Variants in PLCH1 observed in about 807,000 individuals in gnomAD.
PLCH1 encodes 1-phosphatidylinositol 4,5-bisphosphate phosphodiesterase eta-1.
A neutral mutation model predicts 126.7 loss-of-function variants in PLCH1; 60 were observed. The observed-to-expected ratio is 0.47, with a 90% confidence interval of 0.38 to 0.59. The LOEUF (loss-of-function observed/expected upper bound fraction) is 0.59, where lower values mean the gene tolerates loss of function less well. Among genes scored for constraint, PLCH1 ranks in the 20% least tolerant of loss-of-function variants. The pLI, the probability that PLCH1 is intolerant of heterozygous loss-of-function variation, is 0.00. For synonymous variants in PLCH1, 719 were observed against 734.9 expected (o/e 0.98, Z 0.35); for missense variants, 1,723 against 2,040.0 (o/e 0.84, Z 2.99).
At chr3:155,572,894 TTTTTTA>T (rs1189656811) in intron 6 of PLCH1, among the ~76,000 whole-genome samples, 2 of 151,940 alleles carry the variant, frequency 1.3e-5, no homozygotes, top group South Asian at 2.1e-4. Context: ...CCTGGCTGAT[TTTTTTA>T]TTTTTATTTT....
At chr3:155,569,267 T>C (rs909457083) in intron 6 of PLCH1, among the ~76,000 whole-genome samples, 4 of 152,208 alleles carry the variant, frequency 2.6e-5, no homozygotes, top group African/African-American at 9.6e-5. Context: ...TGAATAATTA[T>C]AGAGGAAGCT....
In PLCH1 at chr3:155,458,457, A is replaced by G. The variant is rs12490537; in HGVS notation, c.2938+26899T>C. On this transcript the variant is annotated intron_variant, in intron 21 of 21. Coordinates refer to the PLCH1 transcript ENST00000494598. ...AGGAAGGAAGGAAGGAAGGAAGGAAAGAAAGAAAGAAAGAAAGAAAGAAAG... is the reference window on the plus strand; with the variant it reads ...AGGAAGGAAGGAAGGAAGGAAGGAAGGAAAGAAAGAAAGAAAGAAAGAAAG... 6.4e-3 allele frequency among the ~76,000 whole-genome samples: 466 copies of G among 73,226 alleles called. 1 individual carries two copies. The highest frequency in any genetic ancestry group is 9.3e-3 in the Middle Eastern group (2 of 216). 48.0% of individuals were successfully genotyped at this position (73,226 alleles called of 152,430 possible). A position where few individuals can be genotyped will look rare whatever the true frequency, so the allele number is the denominator to read the frequency against.
At chr3:155,522,246 T>C (rs1721194632) in intron 11 of PLCH1, among the ~76,000 whole-genome samples, 1 of 152,012 alleles carries the variant, frequency 6.6e-6, no homozygotes, top group South Asian at 2.1e-4. Flanking sequence ...AAAAGCTAAA[T>C]TATCCATAAT....
intron 1 of PLCH1, among the ~76,000 whole-genome samples, chr3:155,741,690 T>TTTTTTTTTATTTTTATTTTTA (rs1235581609): frequency 5.5e-4 from 80 of 144,588 alleles, no homozygotes; most frequent in Middle Eastern, 3.4e-3. Flanking sequence ...TCCTCTTTTT[T>TTTTTTTTTATTTTTATTTTTA]TTTTTTTTTT....
At chr3:155,657,481 C>G (rs1559904632) in intron 2 of PLCH1, among the ~76,000 whole-genome samples, 1 of 152,114 alleles carries the variant, frequency 6.6e-6, no homozygotes, top group Non-Finnish European at 1.5e-5. Flanking sequence ...CTCTAGCATT[C>G]GGCTGAGTAC....
rs530993490 is a variant in PLCH1 at position 155,653,978 on chromosome 3, T to TC, written c.79+50167dup. Among the ~76,000 whole-genome samples, 479 of 151,150 alleles carry TC rather than the reference T, an allele frequency of 3.2e-3. 4 individuals carry two copies. The highest frequency in any genetic ancestry group is 0.011 in the African/African-American group (454 of 41,076). On this transcript the variant is annotated intron_variant, in intron 2 of 22. Transcript: ENST00000460012. ...AAAAAAATTGTCTGTCTCCATTTCT[T>TC]CCCCTTCCTCTCTCTTTTGAATCAA... is the stretch of plus-strand genomic sequence containing the variant.
rs1716718607 is a variant in PLCH1, at chr3:155,494,511, G to A, written c.1901C>T (p.Thr634Ile). 6.3e-7 allele frequency: 1 copy of A among 1,590,338 alleles called. No homozygotes were observed. Among genetic ancestry groups the A allele is most frequent in the South Asian group, 1.1e-5 (1 of 89,790 alleles). Reference sequence around the variant, plus strand: ...TTCACTGAATGATAACACATTTCCTGTGGTTCCTGGCAGTTTTTAATCGAG... The same window carrying A: ...TTCACTGAATGATAACACATTTCCTATGGTTCCTGGCAGTTTTTAATCGAG... Reference protein sequence around the residue: ...AAQDIVDDGTTGNVLSFSETR... With the variant: ...AAQDIVDDGTIGNVLSFSETR... The change falls in exon 16 of 23, where the codon ACA becomes ATA. Residue 634 changes from threonine to isoleucine, a missense_variant. By Grantham distance (89) the Thr-to-Ile change is moderately conservative. Coordinates refer to ENST00000460012, the MANE Select transcript of PLCH1 (RefSeq NM_014996.4).
intron 6 of PLCH1, among the ~76,000 whole-genome samples, chr3:155,580,786 C>CA (rs1384407994): frequency 1.3e-5 from 2 of 152,010 alleles, no homozygotes; most frequent in African/African-American, 4.8e-5. Context: ...TATTCTACCT[C>CA]AAAAAGGAAA....
At chr3:155,713,153 C>T (rs1185092011) in intron 1 of PLCH1, among the ~76,000 whole-genome samples, 1 of 152,134 alleles carries the variant, frequency 6.6e-6, no homozygotes, top group Non-Finnish European at 1.5e-5. Context: ...TCCTCCCTGA[C>T]ATTCCGCTTC....
Position 155,497,431 on chromosome 3 carries a change from A to G in PLCH1, c.1797-14T>C, listed in dbSNP as rs371581792. ...CGGCGACCCAATCTGTGAAGTACCC[A>G]CAGAGGATGCATGACATTTTGGAGT... On this transcript the variant is annotated splice_polypyrimidine_tract_variant and intron_variant, in intron 14 of 22. Coordinates refer to ENST00000460012, the MANE Select transcript of PLCH1 (RefSeq NM_014996.4). 14 of 1,567,350 alleles carry G rather than the reference A, an allele frequency of 8.9e-6. No individual in the cohort carries two copies. The African/African-American group carries it at 1.9e-4, about 21-fold the overall frequency.
intron 1 of PLCH1, among the ~76,000 whole-genome samples, chr3:155,715,628 T>C (rs891568722): frequency 6.8e-6 from 1 of 147,182 alleles, no homozygotes; most frequent in Non-Finnish European, 1.5e-5. Flanking sequence ...TTTTTTTTTT[T>C]AAGAGACAGA....
intron 2 of PLCH1, among the ~76,000 whole-genome samples, chr3:155,603,153 A>AC (rs34174859): frequency 0.41 from 61,548 of 151,598 alleles, 15,483 homozygotes; most frequent in Non-Finnish European, 0.56. Flanking sequence ...AACAACAACA[A>AC]AAAAAAAAGT....
chr3:155,470,058 G>A (rs1252844255), intron 21 of PLCH1, among the ~76,000 whole-genome samples: 6 of 152,114 alleles, frequency 3.9e-5, no homozygotes, highest in East Asian at 1.9e-4. Context: ...CACCAGCAAC[G>A]GAACAAAGCT....
intron 2 of PLCH1, among the ~76,000 whole-genome samples, chr3:155,699,850 C>CT (rs1460142453): frequency 2.3e-5 from 2 of 87,696 alleles, no homozygotes; most frequent in Admixed American, 2.2e-4. Context: ...ACACACACAC[C>CT]ACTACCTCTC....
intron 2 of PLCH1, among the ~76,000 whole-genome samples, chr3:155,645,965 G>A (rs1012558658): frequency 1.3e-5 from 2 of 152,180 alleles, no homozygotes; most frequent in African/African-American, 4.8e-5. Flanking sequence ...GATCTGGGGG[G>A]AAAGGTGCTA....
chr3:155,680,780 C>T lies in PLCH1; in HGVS notation c.79+23366G>A, dbSNP rs143850937. Among the ~76,000 whole-genome samples the T allele has an allele frequency of 6.1e-3, 929 of 152,302 alleles. 12 individuals are homozygous for T. Among genetic ancestry groups the T allele is most frequent in the African/African-American group, 0.021 (874 of 41,560 alleles). ...ATAGAAGGAAGTATCCTTTCCTTAA[C>T]ATTTGTTATAATAATTAATAACTCT... On this transcript the variant is annotated intron_variant, in intron 2 of 22. Coordinates refer to ENST00000460012, the MANE Select transcript of PLCH1 (RefSeq NM_014996.4).
At chr3:155,468,537 C>A (rs924028903) in intron 21 of PLCH1, among the ~76,000 whole-genome samples, 12 of 151,966 alleles carry the variant, frequency 7.9e-5, no homozygotes, top group South Asian at 2.1e-4. Flanking sequence ...TGAAAATAAA[C>A]GGATGGAAAA....
intron 13 of PLCH1, among the ~76,000 whole-genome samples, chr3:155,503,937 G>T (rs1718283303): frequency 6.6e-6 from 1 of 152,234 alleles, no homozygotes; most frequent in Non-Finnish European, 1.5e-5. Flanking sequence ...CAAAGTACTT[G>T]CACAAATGTG....
intron 6 of PLCH1, among the ~76,000 whole-genome samples, chr3:155,570,497 G>A (rs1729056432): frequency 6.6e-6 from 1 of 152,142 alleles, no homozygotes; most frequent in Non-Finnish European, 1.5e-5. Context: ...GCTAAAAGAA[G>A]AACTTAAGAT....
Sources: gnomAD v4.1 joint callset for allele counts (sites outside exome capture counted in the v4.1 genomes callset) on GRCh38, gnomAD v4.1.1 for gene constraint, MANE v1.5 for transcripts, NCBI Gene and HGNC (gene_info 2026-07-23, HGNC 2026-07-21) for gene names.